The following TSC22D1 variants were observed in gnomAD, a reference collection of about 807,000 sequenced individuals.
TSC22D1 encodes TSC22 domain family protein 1.
A neutral mutation model predicts 74.2 loss-of-function variants in TSC22D1; 9 were observed. That is an observed-to-expected ratio of 0.12 (90% CI 0.07 to 0.21). TSC22D1 has a LOEUF of 0.21. TSC22D1 is among the 10% of genes least tolerant of loss of function. The pLI is 1.00. For synonymous variants in TSC22D1, 586 were observed against 492.5 expected, an observed-to-expected ratio of 1.19 and a Z score of -2.51; for missense variants, 1,427 against 1,304.7, an observed-to-expected ratio of 1.09 and a Z score of -1.44.
intron 1 of TSC22D1, among the ~76,000 whole-genome samples, chr13:44,532,017 G>C (rs1566156808): frequency 6.6e-6 from 1 of 152,006 alleles, no homozygotes; most frequent in Non-Finnish European, 1.5e-5. Flanking sequence ...CAACAAGCCT[G>C]GTTACCCTTA....
intron 1 of TSC22D1, among the ~76,000 whole-genome samples, chr13:44,546,749 CGT>C (rs58111185): frequency 5.5e-5 from 8 of 146,724 alleles, no homozygotes; most frequent in East Asian, 2.0e-4. Context: ...GTGTGAAATA[CGT>C]GTGTGTGTGT....
Position 44,503,719 on chromosome 13 carries a change from T to C in TSC22D1, c.2913-67624A>G, listed in dbSNP as rs145579146. ...ATGAAACAGAAACAGAGGTTAGACC[T>C]GGCAAGTTGATGAGTAGGTCATTTT... On this transcript the variant is annotated intron_variant, in intron 1 of 2. Coordinates refer to ENST00000458659, the MANE Select transcript of TSC22D1 (RefSeq NM_183422.4). Among the ~76,000 whole-genome samples, 717 of 152,300 alleles carry C rather than the reference T, an allele frequency of 4.7e-3. 7 individuals carry two copies. Among genetic ancestry groups the C allele is most frequent in the African/African-American group, 0.017 (688 of 41,568 alleles).
intron 1 of TSC22D1, among the ~76,000 whole-genome samples, chr13:44,498,170 C>T (rs1879059772): frequency 6.6e-6 from 1 of 151,762 alleles, no homozygotes; most frequent in African/African-American, 2.4e-5. Context: ...AGGTGGCATG[C>T]ACCTGTGGTC....
At chr13:44,528,505 A>G (rs959759477) in intron 1 of TSC22D1, among the ~76,000 whole-genome samples, 1 of 152,060 alleles carries the variant, frequency 6.6e-6, no homozygotes, top group Non-Finnish European at 1.5e-5. Flanking sequence ...GAAAATAAAA[A>G]TAGTTTATCA....
chr13:44,444,094 T>C (rs1233082147), intron 1 of TSC22D1, among the ~76,000 whole-genome samples: 4 of 151,406 alleles, frequency 2.6e-5, no homozygotes, highest in Non-Finnish European at 5.9e-5. Flanking sequence ...GCCTGGCCAA[T>C]ATGGTAAAAA....
In TSC22D1 at chr13:44,433,955, AAT is replaced by A. The variant is rs771101215; in HGVS notation, c.*669_*670del. 213 of 1,529,020 alleles carry A rather than the reference AAT, an allele frequency of 1.4e-4. No homozygotes were observed. Among genetic ancestry groups the A allele is most frequent in the Middle Eastern group, 1.7e-4 (1 of 5,940 alleles). The allele number at this position is 1,529,020 out of a possible 1,614,324, so 94.7% of individuals were successfully genotyped here. A position where few individuals can be genotyped will look rare whatever the true frequency, so the allele number is the denominator to read the frequency against. On this transcript the variant is annotated 3_prime_UTR_variant, in exon 3 of 3. Transcript: ENST00000458659. ...GTAGTTACAGTCCTCTATTGTACAA[AAT>A]AGTTACACTACATACACAAATATAC...
chr13:44,448,545 C>T (rs1314172297), intron 1 of TSC22D1, among the ~76,000 whole-genome samples: 1 of 152,184 alleles, frequency 6.6e-6, no homozygotes, highest in African/African-American at 2.4e-5. Context: ...AGCATTAACA[C>T]ATTGGCAAAG....
chr13:44,531,491 A>G (rs1198285116), intron 1 of TSC22D1, among the ~76,000 whole-genome samples: 2 of 152,192 alleles, frequency 1.3e-5, no homozygotes, highest in Non-Finnish European at 2.9e-5. Flanking sequence ...TGAAAAAATT[A>G]TCACCTTTCT....
chr13:44,545,435 T>A lies in TSC22D1; in HGVS notation c.2912+27728A>T, dbSNP rs1204539412. On this transcript the variant is annotated intron_variant, in intron 1 of 2. Coordinates refer to ENST00000458659, the MANE Select transcript of TSC22D1 (RefSeq NM_183422.4). ...AAAAACCTTAGTAATTTTAAGAAGA[T>A]CTCTAAATTGCTCTAACAAATACTT... 2.6e-5 allele frequency among the ~76,000 whole-genome samples: 4 copies of A among 152,070 alleles called. No homozygotes were observed. In the East Asian group the frequency reaches 7.7e-4, roughly 29 times the overall value.
At chr13:44,532,454 C>T (rs1365066680) in intron 1 of TSC22D1, among the ~76,000 whole-genome samples, 1 of 151,928 alleles carries the variant, frequency 6.6e-6, no homozygotes, top group African/African-American at 2.4e-5. Flanking sequence ...ACAGAAGCTG[C>T]AGTGCGCTCA....
intron 1 of TSC22D1, among the ~76,000 whole-genome samples, chr13:44,523,100 A>G (rs1056359393): frequency 1.3e-5 from 2 of 152,134 alleles, no homozygotes; most frequent in African/African-American, 2.4e-5. Context: ...AATTAAAACA[A>G]TGGATACTAC....
chr13:44,515,727 A>G (rs554727532), intron 1 of TSC22D1, among the ~76,000 whole-genome samples: 2 of 152,286 alleles, frequency 1.3e-5, no homozygotes, highest in Admixed American at 1.3e-4. Context: ...GTGAGCTACC[A>G]TGCCTGGCCT....
chr13:44,518,742 A>C (rs189078399), intron 1 of TSC22D1, among the ~76,000 whole-genome samples: 2 of 152,276 alleles, frequency 1.3e-5, no homozygotes, highest in East Asian at 3.9e-4. Context: ...TTAATAGGCA[A>C]ACTGACACTG....
intron 1 of TSC22D1, among the ~76,000 whole-genome samples, chr13:44,455,164 G>A (rs1380597880): frequency 2.0e-5 from 3 of 152,190 alleles, no homozygotes; most frequent in Non-Finnish European, 2.9e-5. Context: ...TGAAAGATCA[G>A]AGAGGATGAA....
At chr13:44,437,258 CGT>C in intron 1 of TSC22D1, 2 of 985,514 alleles carry the variant, frequency 2.0e-6, no homozygotes, top group Non-Finnish European at 2.4e-6. Flanking sequence ...TAACCCGAAC[CGT>C]CTGAGCTACT....
chr13:44,488,446 T>C (rs1878551093), intron 1 of TSC22D1, among the ~76,000 whole-genome samples: 2 of 152,260 alleles, frequency 1.3e-5, no homozygotes, highest in Admixed American at 1.3e-4. Context: ...ACCTGTTTTT[T>C]GCTTTTTTTC....
intron 1 of TSC22D1, among the ~76,000 whole-genome samples, chr13:44,482,453 C>T (rs1878222005): frequency 6.6e-6 from 1 of 152,164 alleles, no homozygotes; most frequent in African/African-American, 2.4e-5. Context: ...GCCAGAGGAT[C>T]GCTTGAACCT....
intron 1 of TSC22D1, among the ~76,000 whole-genome samples, chr13:44,454,481 T>C (rs1876405436): frequency 1.3e-5 from 2 of 152,312 alleles, no homozygotes; most frequent in African/African-American, 4.8e-5. Flanking sequence ...GAAACTCTTA[T>C]GCTCCTCCTC....
rs1874404526 is a variant in TSC22D1 at position 44,434,869 on chromosome 13, G to A, written c.2979C>T (p.Ser993=). ...CTTCTCTGACCGCATACATCAAATG[G>A]CTTTTCACTAGATCCTGGAAAGAAG... The part of the protein sequence containing the change: ...KIEQAMDLVK[S]HLMYAVREEV... The change falls in exon 3 of 3, where the codon AGC becomes AGT. Residue 993 remains serine, a synonymous_variant. Coordinates refer to ENST00000458659, the MANE Select transcript of TSC22D1 (RefSeq NM_183422.4). The A allele has an allele frequency of 6.2e-7, 1 of 1,612,776 alleles. No individual in the cohort carries two copies. The highest frequency in any genetic ancestry group is 8.5e-7 in the Non-Finnish European group (1 of 1,179,536).
Sources: allele counts gnomAD v4.1 joint callset (sites outside exome capture counted in the v4.1 genomes callset), GRCh38; gene constraint gnomAD v4.1.1; transcripts MANE v1.5; gene names NCBI Gene and HGNC (gene_info 2026-07-23, HGNC 2026-07-21).